CSMD3: variants seen among roughly 807,000 people sequenced by gnomAD.
CSMD3 encodes CUB and sushi domain-containing protein 3.
CSMD3 carries 177 observed loss-of-function variants against 435.2 expected under a neutral mutation model. The observed-to-expected ratio is 0.41, with a 90% CI of 0.36 to 0.46. CSMD3 has a LOEUF of 0.46. Ranked by LOEUF, CSMD3 falls within the 20% of genes least tolerant of loss-of-function variation. The pLI is 0.34. For missense variants in CSMD3, 4,265 were observed against 4,504.6 expected (o/e 0.95, Z 1.52); for synonymous variants, 1,656 against 1,520.5 (o/e 1.09, Z -2.07).
chr8:113,103,702 T>G (rs1251695933), intron 4 of CSMD3, among the ~76,000 whole-genome samples: 1 of 152,056 alleles, frequency 6.6e-6, no homozygotes, highest in Admixed American at 6.6e-5. Context: ...TATCATCAAA[T>G]AACACCATTT....
At chr8:112,853,934 C>T (rs2080570989) in intron 11 of CSMD3, among the ~76,000 whole-genome samples, 1 of 152,044 alleles carries the variant, frequency 6.6e-6, no homozygotes, top group Admixed American at 6.6e-5. Context: ...CACATCCTTT[C>T]CTCAGAGGTG....
chr8:113,274,809 C>T (rs889475912), intron 3 of CSMD3, among the ~76,000 whole-genome samples: 1 of 132,734 alleles, frequency 7.5e-6, no homozygotes, highest in Non-Finnish European at 1.6e-5. Flanking sequence ...TCATTAATCA[C>T]ATTCAGCTAC....
intron 31 of CSMD3, among the ~76,000 whole-genome samples, chr8:112,485,267 C>T (rs1043363374): frequency 9.9e-5 from 15 of 152,062 alleles, no homozygotes; most frequent in Non-Finnish European, 5.9e-5. Context: ...CTATTGAAAA[C>T]CTTTCCAACA....
chr8:113,001,836 G>A (rs559425278), intron 6 of CSMD3, among the ~76,000 whole-genome samples: 1 of 152,050 alleles, frequency 6.6e-6, no homozygotes, highest in African/African-American at 2.4e-5. Context: ...GAACCTATTG[G>A]AAGAACTTGC....
intron 24 of CSMD3, among the ~76,000 whole-genome samples, chr8:112,562,001 T>A (rs1257347336): frequency 6.6e-6 from 1 of 151,638 alleles, no homozygotes; most frequent in Non-Finnish European, 1.5e-5. Context: ...TGTTTCCAAT[T>A]TTTTACTGCT....
At chr8:112,866,387 CTGA>C (rs1361097214) in intron 10 of CSMD3, among the ~76,000 whole-genome samples, 9 of 152,078 alleles carry the variant, frequency 5.9e-5, no homozygotes, top group Non-Finnish European at 1.3e-4. Flanking sequence ...TCTATGTGCT[CTGA>C]ATGGCTTTCC....
At chr8:113,397,861 T>G (rs141009764) in intron 1 of CSMD3, among the ~76,000 whole-genome samples, 80 of 127,472 alleles carry the variant, frequency 6.3e-4, no homozygotes, top group Middle Eastern at 4.1e-3. Context: ...AATAAATAAA[T>G]AAATAAAGAA....
chr8:112,573,641 T>C lies in CSMD3; in HGVS notation c.3902A>G (p.Asp1301Gly). 1 of 1,611,190 alleles carries C rather than the reference T, an allele frequency of 6.2e-7. No individual in the cohort carries two copies. Among genetic ancestry groups the C allele is most frequent in the Non-Finnish European group, 8.5e-7 (1 of 1,177,676 alleles). Residue 1301 changes from aspartate to glycine, a missense_variant, in exon 24 of 71, where the codon GAT becomes GGT. Transcript: ENST00000297405. ...GDVLKIYDGK[D>G]KTTHLLGAFT... Reference sequence around the variant, plus strand: ...AGCACCTAGTAGATGAGTCGTTTTATCTTTTCCATCATAAATCTGCAAAAT... The same window carrying C: ...AGCACCTAGTAGATGAGTCGTTTTACCTTTTCCATCATAAATCTGCAAAAT...
At position 112,573,625 on chromosome 8, in the gene CSMD3, T is replaced by A. The variant is rs768869426; in HGVS notation, c.3918A>T (p.Leu1306=). The A allele has an allele frequency of 3.7e-6, 6 of 1,612,672 alleles. No homozygotes were observed. The highest frequency in any genetic ancestry group is 5.1e-6 in the Non-Finnish European group (6 of 1,178,944). ...IYDGKDKTTH[L]LGAFTGASMR... is the part of the protein sequence containing the mutation. Reference sequence around the variant, plus strand: ...TAGATGCACCAGTAAAAGCACCTAGTAGATGAGTCGTTTTATCTTTTCCAT... The same window carrying A: ...TAGATGCACCAGTAAAAGCACCTAGAAGATGAGTCGTTTTATCTTTTCCAT... The change falls in exon 24 of 71, where the codon CTA becomes CTT. Residue 1306 remains leucine (L), a synonymous_variant. Transcript: ENST00000297405.
intron 5 of CSMD3, among the ~76,000 whole-genome samples, chr8:113,071,585 T>A (rs1254013474): frequency 6.6e-6 from 1 of 151,954 alleles, no homozygotes; most frequent in Non-Finnish European, 1.5e-5. Flanking sequence ...TTCCCCATTG[T>A]GTGTTCTTGG....
intron 1 of CSMD3, 100 bp from the exon 2 acceptor site, chr8:113,314,893 A>C: frequency 1.3e-6 from 1 of 773,356 alleles, no homozygotes; most frequent in Non-Finnish European, 2.1e-6. Context: ...CCAAGACCAA[A>C]GTTAACAATA....
chr8:112,692,508 A>G (rs1266643198), intron 13 of CSMD3, among the ~76,000 whole-genome samples: 1 of 152,194 alleles, frequency 6.6e-6, no homozygotes, highest in East Asian at 1.9e-4. Flanking sequence ...AATTTGTTAT[A>G]TTAATCAAGT....
chr8:112,750,894 A>T (rs781436175), intron 13 of CSMD3, among the ~76,000 whole-genome samples: 1 of 151,998 alleles, frequency 6.6e-6, no homozygotes, highest in East Asian at 1.9e-4. Flanking sequence ...CCAAATGCAG[A>T]TTGAAAATAC....
At position 113,001,954 on chromosome 8, in the gene CSMD3, A is replaced by G. The variant is rs116746433; in HGVS notation, c.1030+17113T>C. ...TGAATGACTACTCTGGGCAGGTCAC[A>G]GTGGGACTGAGGGAGTGATTTCTGA... On this transcript the variant is annotated intron_variant, in intron 6 of 70. Coordinates refer to ENST00000297405, the MANE Select transcript of CSMD3 (RefSeq NM_198123.2). Among the ~76,000 whole-genome samples, 1,007 of 152,130 alleles carry G rather than the reference A, an allele frequency of 6.6e-3. 12 individuals carry two copies. The highest frequency in any genetic ancestry group is 0.023 in the African/African-American group (965 of 41,536).
intron 5 of CSMD3, among the ~76,000 whole-genome samples, chr8:113,053,616 AAATTG>A (rs770407320): frequency 6.6e-6 from 1 of 152,072 alleles, no homozygotes; most frequent in Non-Finnish European, 1.5e-5. Flanking sequence ...ATACAAGTGA[AAATTG>A]AATTATAATT....
At chr8:112,900,210 G>A (rs951182497) in intron 10 of CSMD3, among the ~76,000 whole-genome samples, 8 of 151,186 alleles carry the variant, frequency 5.3e-5, no homozygotes, top group Non-Finnish European at 1.0e-4. Flanking sequence ...CTATTTGCAA[G>A]CTCTTGGGAG....
intron 2 of CSMD3, among the ~76,000 whole-genome samples, chr8:113,282,351 T>C (rs1212030170): frequency 6.6e-6 from 1 of 152,030 alleles, no homozygotes; most frequent in Non-Finnish European, 1.5e-5. Context: ...AGAAAGCTCC[T>C]GGAACTGATA....
At chr8:113,255,193 G>A (rs1405580946) in intron 3 of CSMD3, among the ~76,000 whole-genome samples, 5 of 152,156 alleles carry the variant, frequency 3.3e-5, no homozygotes, top group Admixed American at 3.3e-4. Context: ...TATAAAATTG[G>A]ATGTTTAAGT....
chr8:112,347,145 C>T (rs201744487), intron 40 of CSMD3, among the ~76,000 whole-genome samples: 1 of 152,068 alleles, frequency 6.6e-6, no homozygotes, highest in African/African-American at 2.4e-5. Flanking sequence ...ATGTGCTTGT[C>T]TTGGAATCCC....
Sources: allele counts gnomAD v4.1 joint callset (sites outside exome capture counted in the v4.1 genomes callset), GRCh38; gene constraint gnomAD v4.1.1; transcripts MANE v1.5; gene names NCBI Gene and HGNC (gene_info 2026-07-23, HGNC 2026-07-21).